Variants in ADD3 observed in about 807,000 individuals in gnomAD.
The protein encoded by ADD3 is gamma-adducin.
A neutral mutation model predicts 80.2 loss-of-function variants in ADD3; 25 were observed. The ratio of observed to expected loss-of-function variants is 0.31; its 90% CI spans 0.23 to 0.44. ADD3 has a LOEUF of 0.44. Among genes scored for constraint, ADD3 ranks in the 20% least tolerant of loss-of-function variants. The pLI, the probability that ADD3 is intolerant of heterozygous loss-of-function variation, is 1.00. For synonymous variants in ADD3, 284 were observed against 289.6 expected (o/e 0.98, Z 0.20); for missense variants, 829 against 847.5 (o/e 0.98, Z 0.27).
intron 1 of ADD3, among the ~76,000 whole-genome samples, chr10:109,999,734 TATC>T (rs1259334143): frequency 6.6e-5 from 10 of 152,176 alleles, no homozygotes; most frequent in African/African-American, 2.2e-4. Context: ...TTAATAAAAC[TATC>T]ATATCTTAAT....
At chr10:110,121,580 C>T (rs1211716636) in intron 8 of ADD3, among the ~76,000 whole-genome samples, 1 of 152,052 alleles carries the variant, frequency 6.6e-6, no homozygotes, top group Non-Finnish European at 1.5e-5. Flanking sequence ...AAAAGAACAA[C>T]TAAAAAAAAA....
At chr10:110,132,507 T>C in intron 14 of ADD3, 107 bp downstream of exon 14, 1 of 639,354 alleles carries the variant, frequency 1.6e-6, no homozygotes. Flanking sequence ...ACAGTAAGTT[T>C]TCCATATTTT....
At chr10:110,100,407 A>G (rs1848680127) in intron 1 of ADD3, among the ~76,000 whole-genome samples, 1 of 151,514 alleles carries the variant, frequency 6.6e-6, no homozygotes, top group Admixed American at 6.6e-5. Flanking sequence ...TTGAACCATG[A>G]GTTTCTGTTA....
intron 1 of ADD3, among the ~76,000 whole-genome samples, chr10:110,029,079 A>G (rs1405090787): frequency 6.6e-6 from 1 of 152,146 alleles, no homozygotes; most frequent in Non-Finnish European, 1.5e-5. Flanking sequence ...GGGTTTCTCC[A>G]TGTTGGTCAG....
At chr10:110,105,061 GTAAA>G (rs1849259192) in intron 2 of ADD3, among the ~76,000 whole-genome samples, 1 of 152,148 alleles carries the variant, frequency 6.6e-6, no homozygotes, top group African/African-American at 2.4e-5. Flanking sequence ...TGGTGTAAAT[GTAAA>G]TTTGGATGAC....
At position 110,063,737 on chromosome 10, in the gene ADD3, T is replaced by TTATATATATATATATA. The variant is rs139871560; in HGVS notation, c.-29-36857_-29-36842dup. Among the ~76,000 whole-genome samples, 59 of 64,614 alleles carry TTATATATATATATATA rather than the reference T, an allele frequency of 9.1e-4. 1 individual carries two copies. Among genetic ancestry groups the TTATATATATATATATA allele is most frequent in the Non-Finnish European group, 1.5e-3 (45 of 29,918 alleles). 42.4% of individuals were successfully genotyped at this position (64,614 alleles called of 152,430 possible). On this transcript the variant is annotated intron_variant, in intron 1 of 14. Coordinates refer to ENST00000356080, the MANE Select transcript of ADD3 (RefSeq NM_016824.5). ...TGATGAATATGAATATATATATTCA[T>TTATATATATATATATA]TATATATATATATATATATATATAT...
intron 1 of ADD3, among the ~76,000 whole-genome samples, chr10:110,088,009 G>C (rs966722060): frequency 6.6e-6 from 1 of 152,022 alleles, no homozygotes; most frequent in Non-Finnish European, 1.5e-5. Flanking sequence ...GTGCTGCATC[G>C]GTTCAATCTC....
At chr10:110,069,191 A>G (rs1243636051) in intron 1 of ADD3, among the ~76,000 whole-genome samples, 1 of 152,188 alleles carries the variant, frequency 6.6e-6, no homozygotes, top group African/African-American at 2.4e-5. Flanking sequence ...ATCCTACCTT[A>G]ATTTTTCCAT....
intron 1 of ADD3, among the ~76,000 whole-genome samples, chr10:110,085,687 G>A (rs181263138): frequency 1.3e-5 from 2 of 152,200 alleles, no homozygotes; most frequent in African/African-American, 4.8e-5. Flanking sequence ...AGACTGAGAC[G>A]TGGGCCCTAG....
chr10:110,017,360 G>A (rs867186281), intron 1 of ADD3, among the ~76,000 whole-genome samples: 8 of 152,284 alleles, frequency 5.3e-5, no homozygotes, highest in Middle Eastern at 3.4e-3. Flanking sequence ...GAATCAGGAC[G>A]TATACATGAG....
At chr10:110,043,738 C>G (rs1440607580) in intron 1 of ADD3, among the ~76,000 whole-genome samples, 1 of 152,072 alleles carries the variant, frequency 6.6e-6, no homozygotes. Flanking sequence ...ATGGGGGATA[C>G]AATGATAAAT....
chr10:110,099,036 C>T (rs984341019), intron 1 of ADD3, among the ~76,000 whole-genome samples: 1 of 151,816 alleles, frequency 6.6e-6, no homozygotes, highest in Non-Finnish European at 1.5e-5. Flanking sequence ...CCTCCCACCT[C>T]CACCTCCTGA....
intron 1 of ADD3, among the ~76,000 whole-genome samples, chr10:110,049,082 C>T (rs545845809): frequency 6.6e-6 from 1 of 152,190 alleles, no homozygotes; most frequent in Non-Finnish European, 1.5e-5. Flanking sequence ...TAAAAGGGGC[C>T]AAGTTACAGC....
intron 1 of ADD3, among the ~76,000 whole-genome samples, chr10:110,044,546 A>C (rs1345229482): frequency 6.6e-6 from 1 of 152,248 alleles, no homozygotes; most frequent in Non-Finnish European, 1.5e-5. Flanking sequence ...TTAGCTTCAA[A>C]ATGTTAAAAA....
intron 1 of ADD3, among the ~76,000 whole-genome samples, chr10:110,033,608 G>A (rs1855305214): frequency 6.6e-6 from 1 of 152,154 alleles, no homozygotes; most frequent in Non-Finnish European, 1.5e-5. Context: ...CATAGAGGGA[G>A]CAGTGTTCTT....
intron 1 of ADD3, among the ~76,000 whole-genome samples, chr10:110,040,062 C>T (rs906950396): frequency 4.6e-5 from 7 of 152,162 alleles, no homozygotes; most frequent in African/African-American, 2.4e-5. Flanking sequence ...TGTGATACAG[C>T]GTGAGAAGGG....
chr10:109,999,564 C>A (rs1056006923), intron 1 of ADD3, among the ~76,000 whole-genome samples: 3 of 152,202 alleles, frequency 2.0e-5, no homozygotes, highest in Non-Finnish European at 4.4e-5. Context: ...AATTATTTAA[C>A]CTTTCTGAGT....
At chr10:110,095,283 T>C (rs1848017119) in intron 1 of ADD3, among the ~76,000 whole-genome samples, 1 of 152,248 alleles carries the variant, frequency 6.6e-6, no homozygotes, top group East Asian at 1.9e-4. Flanking sequence ...CAGTGGTTTT[T>C]AATATAGTCA....
chr10:110,065,539 C>CCTTTTTTTTTTTTTTTTTTTTTTTTTT (rs1843806502), intron 1 of ADD3, among the ~76,000 whole-genome samples: 3 of 31,186 alleles, frequency 9.6e-5, no homozygotes, highest in African/African-American at 2.4e-4. Context: ...TCTCTCTCCC[C>CCTTTTTTTTTTTTTTTTTTTTTTTTTT]TTTTTTTTTT....
Sources: gnomAD v4.1 joint callset for allele counts (sites outside exome capture counted in the v4.1 genomes callset) on GRCh38, gnomAD v4.1.1 for gene constraint, MANE v1.5 for transcripts, NCBI Gene and HGNC (gene_info 2026-07-23, HGNC 2026-07-21) for gene names.